The following DHRS12 variants were observed in gnomAD, a reference collection of about 807,000 sequenced individuals.
DHRS12 encodes dehydrogenase/reductase SDR family member 12.
DHRS12 carries 29 observed loss-of-function variants against 32.1 expected under a neutral mutation model. That is an observed-to-expected ratio of 0.90 (90% CI 0.67 to 1.23). The LOEUF (loss-of-function observed/expected upper bound fraction) is 1.23, where lower values mean the gene tolerates loss of function less well. DHRS12 is among the 50% of genes most tolerant of loss of function. The pLI, the probability that DHRS12 is intolerant of heterozygous loss-of-function variation, is 0.00. For missense variants in DHRS12, 330 were observed against 337.2 expected (o/e 0.98, Z 0.17); for synonymous variants, 150 against 135.9 (o/e 1.10, Z -0.72).
downstream of DHRS12, chr13:51,766,563 A>G (rs890972422): frequency 6.6e-6 from 1 of 152,242 alleles, no homozygotes; most frequent in Non-Finnish European, 1.5e-5. Context: ...CAGTCCTGAC[A>G]TTGACTTCCT....
the DHRS12 span, chr13:51,758,315 T>C: frequency 6.4e-5 from 100 of 1,555,730 alleles, no homozygotes; most frequent in Non-Finnish European, 8.7e-5. Flanking sequence ...GATGCCATCT[T>C]ATTAAGAAGC....
chr13:51,784,779 T>A (rs1487848022), intron 4 of DHRS12, among the ~76,000 whole-genome samples: 2 of 152,238 alleles, frequency 1.3e-5, no homozygotes, highest in Admixed American at 1.3e-4. Flanking sequence ...TGAGTCTCCA[T>A]ACCAAACTCC....
chr13:51,771,312 T>C, intron 7 of DHRS12: 3 of 1,576,426 alleles, frequency 1.9e-6, no homozygotes, highest in Non-Finnish European at 2.6e-6. Context: ...ATGGAGTTGG[T>C]GAGGCCAATC....
At chr13:51,788,931 T>C (rs1955128276) in intron 4 of DHRS12, among the ~76,000 whole-genome samples, 1 of 152,120 alleles carries the variant, frequency 6.6e-6, no homozygotes, top group South Asian at 2.1e-4. Context: ...CTCCTCCCCT[T>C]CTCCTCTTTC....
At chr13:51,786,288 G>A (rs1954952988) in intron 4 of DHRS12, among the ~76,000 whole-genome samples, 1 of 152,242 alleles carries the variant, frequency 6.6e-6, no homozygotes, top group African/African-American at 2.4e-5. Context: ...TGGTGAGAGA[G>A]GCTAAGATGC....
chr13:51,759,931 A>C, the DHRS12 span: 2 of 658,662 alleles, frequency 3.0e-6, no homozygotes, highest in Non-Finnish European at 5.2e-6. Flanking sequence ...GGACCTGGCC[A>C]GTGAGCACTC....
chr13:51,761,161 G>GGT, the DHRS12 span: 1 of 152,180 alleles, frequency 6.6e-6, no homozygotes, highest in Non-Finnish European at 1.5e-5. Context: ...ACGGTATGTG[G>GGT]GTGGTCCGAG....
At chr13:51,781,227 T>C (rs1024314682) in intron 4 of DHRS12, among the ~76,000 whole-genome samples, 2 of 152,172 alleles carry the variant, frequency 1.3e-5, no homozygotes, top group African/African-American at 2.4e-5. Flanking sequence ...CCAGAGGAAA[T>C]GAGCTCTTAG....
chr13:51,785,879 T>C (rs906899122), intron 4 of DHRS12, among the ~76,000 whole-genome samples: 3 of 152,250 alleles, frequency 2.0e-5, no homozygotes, highest in Admixed American at 2.0e-4. Flanking sequence ...AGACTGGTTT[T>C]AGACTACCTC....
intron 4 of DHRS12, among the ~76,000 whole-genome samples, chr13:51,787,797 T>TAATATATA (rs10657566): frequency 0.33 from 41,465 of 125,830 alleles, 7,333 homozygotes; most frequent in East Asian, 0.49. Context: ...AATATATTAA[T>TAATATATA]ATATATTTAT....
At chr13:51,768,551 G>C (rs1953858294) in intron 8 of DHRS12, 2 of 1,350,160 alleles carry the variant, frequency 1.5e-6, no homozygotes, top group African/African-American at 2.9e-5. Flanking sequence ...AGCAGGAAGG[G>C]GTGCGGCCAT....
intron 5 of DHRS12, chr13:51,774,357 CCTACAGTATTCTCCTACATGTATT>C (rs1341325538): frequency 1.2e-4 from 13 of 107,942 alleles, no homozygotes; most frequent in Non-Finnish European, 1.6e-4. Flanking sequence ...CATGTATTCT[CCTACAGTATTCTCCTACATGTATT>C]CTACAGTATT....
At chr13:51,789,640 T>C (rs1474393152) in intron 4 of DHRS12, 3 of 985,458 alleles carry the variant, frequency 3.0e-6, no homozygotes, top group Non-Finnish European at 3.6e-6. Context: ...TGGTCCATCT[T>C]CTTGCCCACT....
At chr13:51,788,330 A>G (rs754716642) in intron 4 of DHRS12, among the ~76,000 whole-genome samples, 1 of 152,240 alleles carries the variant, frequency 6.6e-6, no homozygotes, top group Non-Finnish European at 1.5e-5. Flanking sequence ...CAAAGATAAC[A>G]TATTTGGAAC....
chr13:51,784,361 A>C (rs1434400182), intron 4 of DHRS12, among the ~76,000 whole-genome samples: 1 of 152,206 alleles, frequency 6.6e-6, no homozygotes, highest in Non-Finnish European at 1.5e-5. Context: ...TGAGTTAGCC[A>C]GGTAGGGGAC....
At chr13:51,797,934 G>C (rs916129652) in intron 2 of DHRS12, 18 of 1,533,884 alleles carry the variant, frequency 1.2e-5, no homozygotes, top group Non-Finnish European at 1.5e-5. Flanking sequence ...GAAACCATCT[G>C]TGAGTTACAG....
chr13:51,797,946 G>A (rs754087641), intron 2 of DHRS12: 39 of 1,524,710 alleles, frequency 2.6e-5, no homozygotes, highest in Non-Finnish European at 3.1e-5. Context: ...GAGTTACAGC[G>A]AGAGCTACAG....
At chr13:51,779,073 T>C (rs1052945236) in intron 4 of DHRS12, among the ~76,000 whole-genome samples, 6 of 152,148 alleles carry the variant, frequency 3.9e-5, no homozygotes, top group African/African-American at 1.2e-4. Flanking sequence ...TTGAGTCACG[T>C]AGCCATGCTG....
chr13:51,786,922 G>T (rs1280883548), intron 4 of DHRS12, among the ~76,000 whole-genome samples: 1 of 152,114 alleles, frequency 6.6e-6, no homozygotes. Flanking sequence ...TATTAGAAAG[G>T]CAGCCAGCAA....
Sources: gnomAD v4.1 joint callset for allele counts (sites outside exome capture counted in the v4.1 genomes callset) on GRCh38, gnomAD v4.1.1 for gene constraint, MANE v1.5 for transcripts, NCBI Gene and HGNC (gene_info 2026-07-23, HGNC 2026-07-21) for gene names.